Variants in UBAP2L observed in about 807,000 individuals in gnomAD.
UBAP2L encodes ubiquitin-associated protein 2-like.
In UBAP2L, 12 loss-of-function variants were observed where a neutral mutation model predicts 130.6. The ratio of observed to expected loss-of-function variants is 0.09; its 90% CI spans 0.06 to 0.15. The LOEUF (loss-of-function observed/expected upper bound fraction) is 0.15. Among genes scored for constraint, UBAP2L ranks in the 10% least tolerant of loss-of-function variants. UBAP2L has a pLI of 1.00. For missense variants in UBAP2L, 965 were observed against 1,332.5 expected, an observed-to-expected ratio of 0.72 and a Z score of 4.29; for synonymous variants, 503 against 524.7, an observed-to-expected ratio of 0.96 and a Z score of 0.57.
chr1:154,257,070 G>A lies in UBAP2L; in HGVS notation c.2165G>A (p.Ser722Asn), dbSNP rs1679930529. The change falls in exon 19 of 27, where the codon AGT (serine) becomes AAT (asparagine). Residue 722 changes from serine (S) to asparagine (N), a missense_variant. By Grantham distance (46) the Ser-to-Asn change is conservative. Transcript: ENST00000428931. ...RTSTSTLLHT[S>N]VESEANLHSS... is the part of the protein sequence containing the mutation. Reference sequence around the variant, plus strand: ...CTGCTCCCCCTTTTGAAGCACACAAGTGTGGAGAGTGAGGCGAATCTCCAT... The same window carrying A: ...CTGCTCCCCCTTTTGAAGCACACAAATGTGGAGAGTGAGGCGAATCTCCAT... 1.2e-6 allele frequency: 2 copies of A among 1,613,286 alleles called. No individual in the cohort carries two copies. The highest frequency in any genetic ancestry group is 1.3e-5 in the African/African-American group (1 of 74,892).
intron 22 of UBAP2L, 46 bp from the exon 23 acceptor site, chr1:154,260,846 G>A (rs1433115567): frequency 6.4e-7 from 1 of 1,566,388 alleles, no homozygotes; most frequent in Non-Finnish European, 8.8e-7. Flanking sequence ...TTCTGTATTG[G>A]TATTGGGGTG....
intron 4 of UBAP2L, among the ~76,000 whole-genome samples, chr1:154,233,331 T>A (rs1670498988): frequency 6.6e-6 from 1 of 151,166 alleles, no homozygotes; most frequent in Non-Finnish European, 1.5e-5. Flanking sequence ...TTTCTTTTTT[T>A]TTCTTTGAGA....
rs564384830 is a variant in UBAP2L at position 154,255,247 on chromosome 1, A to G, written c.2005A>G (p.Thr669Ala). Reference sequence around the variant, plus strand: ...ATCTGCAGCTTCCTTACTGACGACAACCAATCAGCATTCATCCTCCTTGGG... The same window carrying G: ...ATCTGCAGCTTCCTTACTGACGACAGCCAATCAGCATTCATCCTCCTTGGG... ...TVSAASLLTT[T>A]NQHSSSLGGL... Residue 669 changes from threonine to alanine, a missense_variant, in exon 17 of 27, where the codon ACC becomes GCC. Transcript: ENST00000428931. 22 of 1,614,210 alleles carry G rather than the reference A, an allele frequency of 1.4e-5. No homozygotes were observed. Among genetic ancestry groups the G allele is most frequent in the South Asian group, 1.2e-4 (11 of 91,082 alleles).
intron 4 of UBAP2L, among the ~76,000 whole-genome samples, chr1:154,233,859 A>G (rs1327401104): frequency 2.0e-5 from 3 of 147,108 alleles, no homozygotes; most frequent in Admixed American, 6.6e-5. Flanking sequence ...CTGACTCCGA[A>G]GGAAATTAGT....
Position 154,257,065 on chromosome 1 carries a change from C to T in UBAP2L, c.2160C>T (p.His720=). The T allele has an allele frequency of 6.2e-7, 1 of 1,612,976 alleles. No individual in the cohort carries two copies. The highest frequency in any genetic ancestry group is 8.5e-7 in the Non-Finnish European group (1 of 1,179,776). ...SGRTSTSTLL[H]TSVESEANLH... The stretch of plus-strand genomic sequence containing the variant: ...TTCCACTGCTCCCCCTTTTGAAGCA[C>T]ACAAGTGTGGAGAGTGAGGCGAATC... The change falls in exon 19 of 27, where the codon CAC becomes CAT. Residue 720 remains histidine (H), a splice_region_variant and synonymous_variant. Transcript: ENST00000428931.
Position 154,246,182 on chromosome 1 carries a change from GAT to G in UBAP2L, c.843-21_843-20del, listed in dbSNP as rs1236951819. Reference sequence around the variant, plus strand: ...AGCGTGTTCAGTCATTCTTCATGAAGATCCCTTCCCTTCCCCATTAGAATTGA... The same window carrying G: ...AGCGTGTTCAGTCATTCTTCATGAAGCCCTTCCCTTCCCCATTAGAATTGA... On this transcript the variant is annotated intron_variant, in intron 10 of 26. Transcript: ENST00000428931. 3 of 1,587,726 alleles carry G rather than the reference GAT, an allele frequency of 1.9e-6. No homozygotes were observed. Among genetic ancestry groups the G allele is most frequent in the East Asian group, 4.5e-5 (2 of 44,310 alleles).
chr1:154,233,100 G>A (rs539810741), intron 4 of UBAP2L, among the ~76,000 whole-genome samples: 147 of 151,394 alleles, frequency 9.7e-4, no homozygotes, highest in Non-Finnish European at 5.6e-4. Context: ...TGCAACCTCC[G>A]ACTCCTGGGT....
chr1:154,243,384 T>C, intron 10 of UBAP2L, 82 bp downstream of exon 10: 1 of 1,231,356 alleles, frequency 8.1e-7, no homozygotes. Context: ...CTGGCCTTTG[T>C]AAACTCCCAT....
At chr1:154,261,156 C>A in intron 23 of UBAP2L, 47 bp downstream of exon 23, 1 of 1,575,444 alleles carries the variant, frequency 6.3e-7, no homozygotes. Flanking sequence ...GATCCTAGCC[C>A]TGGACACTAT....
At position 154,234,752 on chromosome 1, in the gene UBAP2L, A is replaced by G; in HGVS notation, c.441A>G (p.Gly147=). The G allele has an allele frequency of 6.3e-7, 1 of 1,591,806 alleles. No individual in the cohort carries two copies. Among genetic ancestry groups the G allele is most frequent in the Non-Finnish European group, 8.6e-7 (1 of 1,168,066 alleles). ...PPRRGRGASR[G]REFRGQENGL... is the part of the protein sequence containing the mutation. Reference sequence around the variant, plus strand: ...GACGGGGGAGAGGTGCCAGCCGTGGACGAGAGTGTATGCATGGGGCTTTAT... The same window carrying G: ...GACGGGGGAGAGGTGCCAGCCGTGGGCGAGAGTGTATGCATGGGGCTTTAT... The change falls in exon 5 of 27, where the codon GGA becomes GGG. Residue 147 remains glycine (G), a synonymous_variant. Transcript: ENST00000428931.
chr1:154,245,751 A>G (rs1358031942), intron 10 of UBAP2L, among the ~76,000 whole-genome samples: 4 of 150,696 alleles, frequency 2.7e-5, no homozygotes, highest in African/African-American at 9.8e-5. Context: ...CTTCTCTATT[A>G]AAAATACAAA....
chr1:154,253,719 A>G (rs1031208497), intron 14 of UBAP2L, among the ~76,000 whole-genome samples, 181 bp from the exon 15 acceptor site: 1 of 152,156 alleles, frequency 6.6e-6, no homozygotes, highest in Non-Finnish European at 1.5e-5. Context: ...CTGGCGCTAT[A>G]GAAGGTAGGG....
Position 154,270,770 on chromosome 1 carries a change from GTTTTT to G in UBAP2L, c.*487_*491del. 3.3e-6 allele frequency: 3 copies of G among 920,430 alleles called. No individual in the cohort carries two copies. The highest frequency in any genetic ancestry group is 2.9e-5 in the South Asian group (1 of 34,236). The allele number at this position is 920,430 out of a possible 1,614,324, so 57.0% of individuals were successfully genotyped here. A position where few individuals can be genotyped will look rare whatever the true frequency, so the allele number is the denominator to read the frequency against. ...AATTAGTTGAAGTGGTTTTTTTTTT[GTTTTT>G]TTTTTTTTTTTGTACTGTGTCCTCA... On this transcript the variant is annotated 3_prime_UTR_variant, in exon 27 of 27. Transcript: ENST00000428931.
intron 24 of UBAP2L, chr1:154,263,341 T>A: frequency 7.0e-7 from 1 of 1,423,496 alleles, no homozygotes; most frequent in South Asian, 1.6e-5. Flanking sequence ...CTCTCCCCCA[T>A]GTGTCTGACC....
chr1:154,268,837 C>G lies in UBAP2L; in HGVS notation c.3051C>G (p.Gly1017=), dbSNP rs1485728413. The stretch of plus-strand genomic sequence containing the variant: ...TGCCTTCAGCCCTAGGAAGTGGGGG[C>G]CCCATCAATCCGGCCACAGCTGCTG... ...FNLPSALGSG[G]PINPATAAAY... The change falls in exon 26 of 27, where the codon GGC becomes GGG. Residue 1017 remains glycine (G), a synonymous_variant. Transcript: ENST00000428931. The G allele has an allele frequency of 6.2e-7, 1 of 1,614,118 alleles. No homozygotes were observed. The highest frequency in any genetic ancestry group is 1.1e-5 in the South Asian group (1 of 91,082).
intron 1 of UBAP2L, among the ~76,000 whole-genome samples, chr1:154,222,173 A>G (rs1172234542): frequency 1.3e-5 from 2 of 152,062 alleles, no homozygotes; most frequent in Non-Finnish European, 2.9e-5. Context: ...CTTCTCTCCC[A>G]TCCTACCTTC....
intron 24 of UBAP2L, among the ~76,000 whole-genome samples, chr1:154,265,858 G>A (rs1484756356): frequency 6.6e-6 from 1 of 152,100 alleles, no homozygotes; most frequent in Non-Finnish European, 1.5e-5. Context: ...TCCCCACCCC[G>A]CTACACTTAG....
At chr1:154,243,421 A>G in intron 10 of UBAP2L, 119 bp downstream of exon 10, 1 of 710,494 alleles carries the variant, frequency 1.4e-6, no homozygotes, top group Non-Finnish European at 2.3e-6. Flanking sequence ...ACCAAATTAC[A>G]TTACATCATT....
chr1:154,251,307 T>G lies in UBAP2L; in HGVS notation c.1480T>G (p.Leu494Val). ...KLKQQKKKAS[L>V]TSKIPALAVE... is the part of the protein sequence containing the mutation. ...GAAACAGCAGAAGAAAAAAGCCTCCTTGACTTCTAAGGTACTTAAACTTTT... is the reference window on the plus strand; with the variant it reads ...GAAACAGCAGAAGAAAAAAGCCTCCGTGACTTCTAAGGTACTTAAACTTTT... The change falls in exon 13 of 27, where the codon TTG becomes GTG. Residue 494 changes from leucine (L) to valine (V), a missense_variant. This residue lies in a region of UBAP2L where 393 missense variants were observed against 408.1 expected (regional missense o/e 0.96). Coordinates refer to ENST00000428931, the MANE Select transcript of UBAP2L (RefSeq NM_014847.4). 1 of 1,613,018 alleles carries G rather than the reference T, an allele frequency of 6.2e-7. No individual in the cohort carries two copies. The highest frequency in any genetic ancestry group is 8.5e-7 in the Non-Finnish European group (1 of 1,179,668).
Sources: allele counts gnomAD v4.1 joint callset (sites outside exome capture counted in the v4.1 genomes callset), GRCh38; gene constraint gnomAD v4.1.1; regional missense constraint gnomAD v4.1.1; transcripts MANE v1.5; gene names NCBI Gene and HGNC (gene_info 2026-07-23, HGNC 2026-07-21).